COG8: variants seen among roughly 807,000 people sequenced by gnomAD.
COG8 encodes the protein conserved oligomeric Golgi complex subunit 8.
A neutral mutation model predicts 46.5 loss-of-function variants in COG8; 45 were observed. That is an observed-to-expected ratio of 0.97 (90% confidence interval 0.76 to 1.24). The LOEUF (loss-of-function observed/expected upper bound fraction) is 1.24. Ranked by LOEUF, COG8 falls within the 50% of genes most tolerant of loss-of-function variation. COG8 has a pLI of 0.00. For missense variants in COG8, 793 were observed against 820.8 expected (o/e 0.97, Z 0.41); for synonymous variants, 407 against 347.8 (o/e 1.17, Z -1.90).
rs946820007 is a variant in COG8, at chr16:69,327,780, G to C, written c.*1426C>G. On this transcript the variant is annotated 3_prime_UTR_variant, in exon 6 of 6. Transcript: ENST00000306875. The stretch of plus-strand genomic sequence containing the variant: ...TGATCCCAGCACTTTGGGAGGCCGA[G>C]GCAGGAGGATTGCCTGAGACCAGGA... 1 of 151,938 alleles carries C rather than the reference G, an allele frequency of 6.6e-6. No individual in the cohort carries two copies. The highest frequency in any genetic ancestry group is 1.5e-5 in the Non-Finnish European group (1 of 68,012). 9.4% of individuals were successfully genotyped at this position (151,938 alleles called of 1,614,324 possible). A position where few individuals can be genotyped will look rare whatever the true frequency, so the allele number is the denominator to read the frequency against.
intron 5 of COG8, chr16:69,330,445 C>T (rs2011712203): frequency 3.4e-6 from 5 of 1,473,898 alleles, no homozygotes; most frequent in Non-Finnish European, 4.5e-6. Flanking sequence ...GCCGCAGCGC[C>T]GGGCCCTCGA....
chr16:69,338,383 G>A (rs2012324037), intron 1 of COG8: 1 of 152,182 alleles, frequency 6.6e-6, no homozygotes, highest in South Asian at 2.1e-4. Flanking sequence ...GAGACTTTTT[G>A]ATATCTGATG....
intron 3 of COG8, 139 bp downstream of exon 3, chr16:69,334,382 A>T (rs910770514): frequency 1.3e-6 from 1 of 780,526 alleles, no homozygotes; most frequent in African/African-American, 1.7e-5. Flanking sequence ...AGAGCTTCTC[A>T]ATCAGGAGAA....
In COG8 at chr16:69,330,428, T is replaced by C. The variant is rs948791022; in HGVS notation, c.*26+385A>G. ...CACCAGACGCCTCAGGTGGCGCCAATAGGAGCGCCGCAGCGCCGGGCCCTC... is the reference window on the plus strand; with the variant it reads ...CACCAGACGCCTCAGGTGGCGCCAACAGGAGCGCCGCAGCGCCGGGCCCTC... On this transcript the variant is annotated intron_variant, in intron 5 of 5. Transcript: ENST00000306875. 19 of 1,475,926 alleles carry C rather than the reference T, an allele frequency of 1.3e-5. No homozygotes were observed. Among genetic ancestry groups the C allele is most frequent in the Admixed American group, 4.8e-5 (2 of 41,924 alleles). 91.4% of individuals were successfully genotyped at this position (1,475,926 alleles called of 1,614,324 possible).
chr16:69,338,236 C>T (rs927220738), intron 1 of COG8: 3 of 152,172 alleles, frequency 2.0e-5, no homozygotes, highest in African/African-American at 7.2e-5. Flanking sequence ...GCCACCACGA[C>T]CAGCTAATTT....
At chr16:69,331,183 C>A in intron 4 of COG8, 88 bp from the exon 5 acceptor site, 2 of 1,462,530 alleles carry the variant, frequency 1.4e-6, no homozygotes, top group South Asian at 1.2e-5. Flanking sequence ...CGCGGTGGCT[C>A]ACGCCTGTAA....
Position 69,332,780 on chromosome 16 carries a change from G to A in COG8, c.1516C>T (p.Leu506Phe). 2 of 1,614,086 alleles carry A rather than the reference G, an allele frequency of 1.2e-6. No individual in the cohort carries two copies. Among genetic ancestry groups the A allele is most frequent in the Non-Finnish European group, 1.7e-6 (2 of 1,179,942 alleles). ...AGACAGCGATTTAAATACGGAACAAGGTCTTCCAGGAAGACAGTGCAGAAC... is the reference window on the plus strand; with the variant it reads ...AGACAGCGATTTAAATACGGAACAAAGTCTTCCAGGAAGACAGTGCAGAAC... Reference protein sequence around the residue: ...VQFCTVFLEDLVPYLNRCLQV... With the variant: ...VQFCTVFLEDFVPYLNRCLQV... The change falls in exon 4 of 6, where the codon CTT becomes TTT. Residue 506 changes from leucine to phenylalanine, a missense_variant. By Grantham distance (22) the Leu-to-Phe change is conservative. Coordinates refer to ENST00000306875, the MANE Select transcript of COG8 (RefSeq NM_032382.5).
At chr16:69,330,282 G>T in intron 5 of COG8, 1 of 1,433,066 alleles carries the variant, frequency 7.0e-7, no homozygotes, top group Non-Finnish European at 9.1e-7. Context: ...ACCAGCCGTT[G>T]CGTCAGCCGC....
intron 2 of COG8, among the ~76,000 whole-genome samples, chr16:69,335,960 T>C (rs2012184374): frequency 6.6e-6 from 1 of 152,184 alleles, no homozygotes; most frequent in South Asian, 2.1e-4. Context: ...GCTCTCCCGC[T>C]GCTACAATCC....
At chr16:69,332,451 T>TA in intron 4 of COG8, 1 of 604,416 alleles carries the variant, frequency 1.7e-6, no homozygotes, top group Admixed American at 2.9e-5. Flanking sequence ...CTTAGCCAGA[T>TA]ACAGCCACAT....
intron 4 of COG8, 168 bp downstream of exon 4, chr16:69,332,546 G>A (rs1597222627): frequency 4.1e-6 from 3 of 728,344 alleles, no homozygotes; most frequent in African/African-American, 1.7e-5. Context: ...TAAGGATGCT[G>A]TCGAGGAATG....
chr16:69,335,404 A>G, intron 2 of COG8, 56 bp from the exon 3 acceptor site: 1 of 1,411,572 alleles, frequency 7.1e-7, no homozygotes, highest in Non-Finnish European at 9.7e-7. Context: ...TCTAGAACCC[A>G]TTCCCCTAAC....
chr16:69,339,122 G>A (rs1567433385), intron 1 of COG8, 54 bp downstream of exon 1: 3 of 1,611,262 alleles, frequency 1.9e-6, no homozygotes, highest in Non-Finnish European at 2.5e-6. Flanking sequence ...TTCTACCATC[G>A]TAAATGTCAG....
At position 69,327,711 on chromosome 16, in the gene COG8, GT is replaced by G. The variant is rs759758378; in HGVS notation, c.*1494del. ...CTCAGCATAAAAATGAGGTGAAACA[GT>G]TTAACTAAAACTGGAGTTTGGCTGG... is the stretch of plus-strand genomic sequence containing the variant. On this transcript the variant is annotated 3_prime_UTR_variant, in exon 6 of 6. Transcript: ENST00000306875. 1.3e-5 allele frequency: 2 copies of G among 152,002 alleles called. No homozygotes were observed. Among genetic ancestry groups the G allele is most frequent in the Admixed American group, 1.3e-4 (2 of 15,248 alleles). The allele number at this position is 152,002 out of a possible 1,614,324, so 9.4% of individuals were successfully genotyped here. A position where few individuals can be genotyped will look rare whatever the true frequency, so the allele number is the denominator to read the frequency against.
rs766469693 is a variant in COG8 at position 69,335,226 on chromosome 16, G to A, written c.708C>T (p.Asp236=). The A allele has an allele frequency of 1.2e-5, 20 of 1,613,970 alleles. No individual in the cohort carries two copies. Among genetic ancestry groups the A allele is most frequent in the Non-Finnish European group, 1.4e-5 (17 of 1,180,000 alleles). Residue 236 remains aspartate (D), a synonymous_variant, in exon 3 of 6, where the codon GAC becomes GAT. Coordinates refer to ENST00000306875, the MANE Select transcript of COG8 (RefSeq NM_032382.5). Reference sequence around the variant, plus strand: ...CCCTCAACTCAGCCTCAGTGAAGACGTCCATGCGCCGCAGGTAGCCAATGA... The same window carrying A: ...CCCTCAACTCAGCCTCAGTGAAGACATCCATGCGCCGCAGGTAGCCAATGA... ...LRVIGYLRRM[D]VFTEAELRVK...
rs1555503881 is a variant in COG8, at chr16:69,336,724, C to T, written c.378-12G>A. ...CCTTCACAAAGTTCCTAGTAATAAT[C>T]AGAAGAATGTTGATCCTTCACTGCT... On this transcript the variant is annotated splice_polypyrimidine_tract_variant and intron_variant, in intron 1 of 5. Coordinates refer to ENST00000306875, the MANE Select transcript of COG8 (RefSeq NM_032382.5). The T allele has an allele frequency of 6.2e-7, 1 of 1,612,484 alleles. No homozygotes were observed. Among genetic ancestry groups the T allele is most frequent in the Non-Finnish European group, 8.5e-7 (1 of 1,178,654 alleles).
In COG8 at chr16:69,329,057, A is replaced by T. The variant is rs913426327; in HGVS notation, c.*149T>A. The stretch of plus-strand genomic sequence containing the variant: ...ACCTTCATCCAATAGACGTTTGTGA[A>T]CGTCCTGCTGTCCATTTTGTCAATA... On this transcript the variant is annotated 3_prime_UTR_variant, in exon 6 of 6. Transcript: ENST00000306875. 15 of 1,611,720 alleles carry T rather than the reference A, an allele frequency of 9.3e-6. No individual in the cohort carries two copies. The highest frequency in any genetic ancestry group is 1.2e-5 in the Non-Finnish European group (14 of 1,179,344).
In COG8 at chr16:69,339,324, G is replaced by A; in HGVS notation, c.229C>T (p.Gln77Ter). 1 of 1,608,688 alleles carries A rather than the reference G, an allele frequency of 6.2e-7. No individual in the cohort carries two copies. Among genetic ancestry groups the A allele is most frequent in the Non-Finnish European group, 8.5e-7 (1 of 1,178,710 alleles). The change falls in exon 1 of 6, where the codon CAG (glutamine) becomes TAG (stop). Residue 77 changes from glutamine to a stop codon, truncating the protein, a stop_gained. Coordinates refer to ENST00000306875, the MANE Select transcript of COG8 (RefSeq NM_032382.5). LOFTEE classifies it high-confidence loss of function. ...GCGAAGGCCAAGTCGCGCGTCTGCT[G>A]CAGCAGCTGCGCCCGCTCCTCCGCC... Reference protein sequence around the residue: ...RLAEERAQLLQQTRDLAFANY... With the variant: ...RLAEERAQLL
intron 3 of COG8, among the ~76,000 whole-genome samples, chr16:69,334,114 C>A (rs1173684720): frequency 3.9e-5 from 6 of 152,148 alleles, no homozygotes; most frequent in African/African-American, 1.4e-4. Context: ...AATGGAGCCC[C>A]AACCTCCAGA....
Sources: allele counts gnomAD v4.1 joint callset (sites outside exome capture counted in the v4.1 genomes callset), GRCh38; gene constraint gnomAD v4.1.1; transcripts MANE v1.5; gene names NCBI Gene and HGNC (gene_info 2026-07-23, HGNC 2026-07-21).